MINDY4B: variants seen among roughly 807,000 people sequenced by gnomAD.
The protein encoded by MINDY4B is inactive ubiquitin carboxyl-terminal hydrolase MINDY-4B.
MINDY4B carries 25 observed loss-of-function variants against 16.7 expected under a neutral mutation model. The observed-to-expected ratio is 1.49, with a 90% confidence interval of 1.09 to 2.09. The LOEUF is 2.09. Among genes scored for constraint, MINDY4B ranks in the 30% most tolerant of loss-of-function variants. The pLI is 0.00. For missense variants in MINDY4B, 327 were observed against 168.4 expected, an observed-to-expected ratio of 1.94 and a Z score of -5.21; for synonymous variants, 132 against 61.9, an observed-to-expected ratio of 2.13 and a Z score of -5.32.
intron 11 of MINDY4B, among the ~76,000 whole-genome samples, chr3:150,871,767 C>A (rs980014810): frequency 1.3e-5 from 2 of 152,150 alleles, no homozygotes; most frequent in African/African-American, 4.8e-5. Flanking sequence ...ATCACTTGAA[C>A]CTGGGAGGTG....
intron 3 of MINDY4B, 95 bp downstream of exon 3, chr3:150,903,154 A>T (rs1371777108): frequency 5.0e-6 from 2 of 397,268 alleles, no homozygotes; most frequent in East Asian, 7.1e-5. Flanking sequence ...CTTATCTTCA[A>T]TATACTCTCA....
intron 10 of MINDY4B, among the ~76,000 whole-genome samples, chr3:150,875,675 AACC>A (rs1711496219): frequency 6.6e-6 from 1 of 152,198 alleles, no homozygotes; most frequent in Non-Finnish European, 1.5e-5. Context: ...GTCAAAATGC[AACC>A]ACCTTCAACC....
At chr3:150,898,068 G>A (rs1166049536) in intron 3 of MINDY4B, among the ~76,000 whole-genome samples, 1 of 152,196 alleles carries the variant, frequency 6.6e-6, no homozygotes, top group Non-Finnish European at 1.5e-5. Context: ...CAGAAATGGG[G>A]TAACCCCTGC....
chr3:150,882,779 A>G, intron 10 of MINDY4B, 118 bp downstream of exon 10: 2 of 464,488 alleles, frequency 4.3e-6, no homozygotes, highest in East Asian at 3.3e-5. Flanking sequence ...AGGGAGGTAC[A>G]CAGGCAGACA....
chr3:150,885,466 T>C (rs1159389121), intron 7 of MINDY4B, 28 bp from the exon 8 acceptor site: 7 of 504,480 alleles, frequency 1.4e-5, no homozygotes, highest in Non-Finnish European at 2.5e-5. Context: ...GAAAAGCATG[T>C]TGGTCTAAAA....
chr3:150,893,559 G>A (rs538629721), intron 4 of MINDY4B, 144 bp from the exon 5 acceptor site: 3 of 648,166 alleles, frequency 4.6e-6, no homozygotes, highest in African/African-American at 3.6e-5. Flanking sequence ...CCTCCCTGCA[G>A]CCGTGGCTGG....
intron 8 of MINDY4B, among the ~76,000 whole-genome samples, chr3:150,884,088 C>CTTGG (rs1168497152): frequency 1.3e-5 from 2 of 152,186 alleles, no homozygotes; most frequent in Non-Finnish European, 2.9e-5. Context: ...AAGGAATGCA[C>CTTGG]TTGGCTCAGG....
chr3:150,883,772 C>A lies in MINDY4B; in HGVS notation c.825G>T (p.Arg275Ser). 2 of 702,718 alleles carry A rather than the reference C, an allele frequency of 2.8e-6. No individual in the cohort carries two copies. The highest frequency in any genetic ancestry group is 5.2e-6 in the Non-Finnish European group (2 of 384,806). The allele number at this position is 702,718 out of a possible 1,614,324, so 43.5% of individuals were successfully genotyped here. A position where few individuals can be genotyped will look rare whatever the true frequency, so the allele number is the denominator to read the frequency against. ...YSLIFSRTFE[R>S]LQMDLDVTTT... The stretch of plus-strand genomic sequence containing the variant: ...TGGTGACATCTAGGTCCATTTGAAG[C>A]CTGCAGAGTGGGAGAAGCCATCAGC... Residue 275 changes from arginine (R) to serine (S), a missense_variant and splice_region_variant, in exon 9 of 12, where the codon AGG becomes AGT. Transcript: ENST00000465419.
chr3:150,905,183 C>A (rs1020501226), intron 1 of MINDY4B, 94 bp from the exon 2 acceptor site: 1 of 398,256 alleles, frequency 2.5e-6, no homozygotes, highest in Non-Finnish European at 4.4e-6. Context: ...CTAGGGAAGT[C>A]TCTGTCCACG....
chr3:150,876,571 T>G (rs1425709118), intron 10 of MINDY4B, among the ~76,000 whole-genome samples: 1 of 152,176 alleles, frequency 6.6e-6, no homozygotes, highest in African/African-American at 2.4e-5. Flanking sequence ...GACAAATTAG[T>G]TCATGTTTGC....
intron 3 of MINDY4B, among the ~76,000 whole-genome samples, chr3:150,897,033 G>A (rs1329255113): frequency 6.6e-6 from 1 of 152,210 alleles, no homozygotes; most frequent in Non-Finnish European, 1.5e-5. Context: ...GTGTGAATGT[G>A]TACTGCCCTT....
In MINDY4B at chr3:150,882,978, T is replaced by C; in HGVS notation, c.978A>G (p.Thr326=). The change falls in exon 10 of 12, where the codon ACA becomes ACG. Residue 326 remains threonine (T), a synonymous_variant. Transcript: ENST00000465419. ...CACTGCGGGTCAGGACTCCATGTAG[T>C]GTTTCCTGAGACTTTCCTTCCTCAC... The part of the protein sequence containing the change: ...NGCEEGKSQE[T]LHGVLTRSDV... 1.4e-6 allele frequency: 1 copy of C among 702,840 alleles called. No individual in the cohort carries two copies. The allele number at this position is 702,840 out of a possible 1,614,324, so 43.5% of individuals were successfully genotyped here.
intron 10 of MINDY4B, among the ~76,000 whole-genome samples, chr3:150,874,084 C>G (rs1361480148): frequency 1.5e-5 from 2 of 133,678 alleles, no homozygotes; most frequent in African/African-American, 5.7e-5. Flanking sequence ...GGTGTGATCT[C>G]GGCTCACTGC....
intron 5 of MINDY4B, 117 bp downstream of exon 5, chr3:150,893,207 C>G (rs1711860891): frequency 1.5e-6 from 1 of 657,696 alleles, no homozygotes; most frequent in Admixed American, 2.2e-5. Context: ...AGGGCCATTT[C>G]TGTCTTAGGA....
At chr3:150,871,384 G>C (rs567535195) in intron 11 of MINDY4B, among the ~76,000 whole-genome samples, 197 bp from the exon 12 acceptor site, 13 of 152,172 alleles carry the variant, frequency 8.5e-5, no homozygotes, top group Admixed American at 7.8e-4. Flanking sequence ...TGGTAGCCTG[G>C]GTTGTTGTGC....
At chr3:150,900,215 A>G (rs1559969462) in intron 3 of MINDY4B, among the ~76,000 whole-genome samples, 1 of 152,222 alleles carries the variant, frequency 6.6e-6, no homozygotes, top group Non-Finnish European at 1.5e-5. Context: ...AAGCTGTAGT[A>G]TTGGAAAGAG....
At chr3:150,873,900 T>TA (rs1202483239) in intron 10 of MINDY4B, among the ~76,000 whole-genome samples, 1 of 151,726 alleles carries the variant, frequency 6.6e-6, no homozygotes, top group Non-Finnish European at 1.5e-5. Context: ...ACATCACACA[T>TA]ATACACATAT....
chr3:150,879,234 A>ATT (rs142625403), intron 10 of MINDY4B, among the ~76,000 whole-genome samples: 1 of 151,850 alleles, frequency 6.6e-6, no homozygotes. Flanking sequence ...GCCTAAAGAG[A>ATT]TTTTTTTTCT....
At chr3:150,897,048 G>A (rs940923940) in intron 3 of MINDY4B, among the ~76,000 whole-genome samples, 2 of 152,136 alleles carry the variant, frequency 1.3e-5, no homozygotes, top group African/African-American at 4.8e-5. Context: ...GCCCTTTACT[G>A]TACTGTCCTT....
Sources: allele counts gnomAD v4.1 joint callset (sites outside exome capture counted in the v4.1 genomes callset), GRCh38; gene constraint gnomAD v4.1.1; transcripts MANE v1.5; gene names NCBI Gene and HGNC (gene_info 2026-07-23, HGNC 2026-07-21).